The following PDSS2 variants were observed in gnomAD, a reference collection of about 807,000 sequenced individuals.
PDSS2 encodes decaprenyl diphosphate synthase subunit 2.
A neutral mutation model predicts 44.5 loss-of-function variants in PDSS2; 31 were observed. That is an observed-to-expected ratio of 0.70 (90% confidence interval 0.52 to 0.94). The LOEUF (loss-of-function observed/expected upper bound fraction) is 0.94, where lower values mean the gene tolerates loss of function less well. PDSS2 is among the 40% of genes least tolerant of loss of function. The probability of loss-of-function intolerance (pLI) is 0.00; values close to 1 mark genes in which losing one functional copy is unlikely to be tolerated. For synonymous variants in PDSS2, 157 were observed against 180.3 expected (o/e 0.87, Z 1.03); for missense variants, 452 against 482.2 (o/e 0.94, Z 0.59).
intron 3 of PDSS2, among the ~76,000 whole-genome samples, chr6:107,271,784 G>A (rs1459859088): frequency 6.6e-6 from 1 of 152,198 alleles, no homozygotes; most frequent in Non-Finnish European, 1.5e-5. Context: ...GCTGGGCACA[G>A]TGGCTCATGC....
intron 1 of PDSS2, among the ~76,000 whole-genome samples, chr6:107,337,243 C>G (rs1396101217): frequency 6.6e-6 from 1 of 152,048 alleles, no homozygotes; most frequent in East Asian, 1.9e-4. Context: ...GAATGAGGCA[C>G]AGAGAGAAAT....
At chr6:107,207,185 G>T (rs1259621528) in intron 6 of PDSS2, among the ~76,000 whole-genome samples, 1 of 151,960 alleles carries the variant, frequency 6.6e-6, no homozygotes, top group African/African-American at 2.4e-5. Flanking sequence ...CTAGAGACGG[G>T]GTTTCACCAT....
At chr6:107,418,561 C>A (rs1168896796) in intron 1 of PDSS2, among the ~76,000 whole-genome samples, 1 of 152,118 alleles carries the variant, frequency 6.6e-6, no homozygotes, top group African/African-American at 2.4e-5. Context: ...CATTTGAGGT[C>A]AGGAGTTCGA....
chr6:107,270,705 T>C (rs532476399), intron 3 of PDSS2, among the ~76,000 whole-genome samples: 2 of 152,334 alleles, frequency 1.3e-5, no homozygotes, highest in African/African-American at 2.4e-5. Flanking sequence ...TGTACTTCTA[T>C]TGTTACTATA....
intron 1 of PDSS2, among the ~76,000 whole-genome samples, chr6:107,386,416 A>G (rs1779614226): frequency 6.6e-6 from 1 of 151,494 alleles, no homozygotes; most frequent in African/African-American, 2.4e-5. Context: ...ATTGGATCCT[A>G]TATTTAAGTG....
At chr6:107,218,329 C>G (rs1773485345) in intron 4 of PDSS2, among the ~76,000 whole-genome samples, 2 of 152,154 alleles carry the variant, frequency 1.3e-5, no homozygotes, top group Admixed American at 1.3e-4. Context: ...TAGGCATCAC[C>G]TCCTAGATGC....
chr6:107,202,470 T>C (rs1023874727), intron 6 of PDSS2, among the ~76,000 whole-genome samples: 4 of 152,016 alleles, frequency 2.6e-5, no homozygotes, highest in Non-Finnish European at 4.4e-5. Flanking sequence ...AAATCAGAAA[T>C]CTACTACATC....
intron 7 of PDSS2, chr6:107,192,350 C>T: frequency 1.9e-6 from 1 of 514,136 alleles, no homozygotes; most frequent in Non-Finnish European, 3.9e-6. Flanking sequence ...CCTCTGAGAC[C>T]CCAAAAGCTG....
chr6:107,282,278 AAAAAG>A (rs1775987914), intron 2 of PDSS2, among the ~76,000 whole-genome samples: 1 of 152,214 alleles, frequency 6.6e-6, no homozygotes, highest in East Asian at 1.9e-4. Context: ...GACATAAACT[AAAAAG>A]TAGGGTTTAT....
At chr6:107,450,725 T>G (rs530868429) in intron 1 of PDSS2, among the ~76,000 whole-genome samples, 100 of 152,280 alleles carry the variant, frequency 6.6e-4, no homozygotes, top group African/African-American at 2.3e-3. Context: ...GCCACAAACA[T>G]TTGTGTATAG....
intron 1 of PDSS2, among the ~76,000 whole-genome samples, chr6:107,434,777 C>T (rs1464324196): frequency 1.3e-5 from 2 of 151,928 alleles, no homozygotes; most frequent in African/African-American, 4.8e-5. Flanking sequence ...AAAGAAATAA[C>T]AAATGCTTGA....
intron 4 of PDSS2, among the ~76,000 whole-genome samples, chr6:107,219,196 C>T (rs1773518185): frequency 6.6e-6 from 1 of 152,170 alleles, no homozygotes; most frequent in Non-Finnish European, 1.5e-5. Context: ...GTCCCATCTC[C>T]TACACAAAAT....
At chr6:107,347,089 A>C (rs1205029073) in intron 1 of PDSS2, among the ~76,000 whole-genome samples, 1 of 152,120 alleles carries the variant, frequency 6.6e-6, no homozygotes, top group Non-Finnish European at 1.5e-5. Flanking sequence ...AACCTCACAG[A>C]CTGCAGGAGT....
chr6:107,386,813 GATCACCTAGCA>G (rs1405873193), intron 1 of PDSS2, among the ~76,000 whole-genome samples: 1 of 152,086 alleles, frequency 6.6e-6, no homozygotes, highest in Non-Finnish European at 1.5e-5. Flanking sequence ...AAAATATAAA[GATCACCTAGCA>G]ATCACTTTTA....
At chr6:107,246,152 A>G (rs1176457519) in intron 3 of PDSS2, among the ~76,000 whole-genome samples, 5 of 152,174 alleles carry the variant, frequency 3.3e-5, no homozygotes, top group African/African-American at 1.2e-4. Flanking sequence ...AAACACTGAA[A>G]ATTTTTACAG....
intron 2 of PDSS2, among the ~76,000 whole-genome samples, chr6:107,293,303 C>G (rs1162411857): frequency 1.3e-5 from 2 of 152,254 alleles, no homozygotes; most frequent in South Asian, 4.2e-4. Flanking sequence ...CGAAGCAAAA[C>G]GACTGTCCTA....
intron 5 of PDSS2, among the ~76,000 whole-genome samples, chr6:107,211,575 C>G (rs1381954202): frequency 6.6e-6 from 1 of 151,682 alleles, no homozygotes; most frequent in Non-Finnish European, 1.5e-5. Flanking sequence ...ACTAAAAATA[C>G]AAAAATTAGC....
At chr6:107,262,465 CT>C (rs1425997378) in intron 3 of PDSS2, among the ~76,000 whole-genome samples, 13 of 151,932 alleles carry the variant, frequency 8.6e-5, no homozygotes, top group Admixed American at 8.5e-4. Context: ...CAAGATTTCT[CT>C]CGTGCTAAGA....
At chr6:107,338,494 C>A (rs769524555) in intron 1 of PDSS2, among the ~76,000 whole-genome samples, 3 of 152,198 alleles carry the variant, frequency 2.0e-5, no homozygotes, top group Non-Finnish European at 4.4e-5. Context: ...TAAGATGTGG[C>A]CTCCCTTCTT....
Sources: gnomAD v4.1 joint callset for allele counts (sites outside exome capture counted in the v4.1 genomes callset) on GRCh38, gnomAD v4.1.1 for gene constraint, MANE v1.5 for transcripts, NCBI Gene and HGNC (gene_info 2026-07-23, HGNC 2026-07-21) for gene names.